The following RAB11FIP3 variants were observed in gnomAD, a reference collection of about 807,000 sequenced individuals.
RAB11FIP3 encodes the protein RAB11 family interacting protein 3.
Under a neutral mutation model 77.8 loss-of-function variants are expected in RAB11FIP3, and 17 were observed. That is an observed-to-expected ratio of 0.22 (90% CI 0.15 to 0.33). The LOEUF is 0.33. Ranked by LOEUF, RAB11FIP3 falls within the 10% of genes least tolerant of loss-of-function variation. RAB11FIP3 has a pLI of 1.00. For missense variants in RAB11FIP3, 1,005 were observed against 1,011.2 expected (o/e 0.99, Z 0.08); for synonymous variants, 437 against 448.2 (o/e 0.98, Z 0.31).
chr16:510,803 A>G lies in RAB11FIP3; in HGVS notation c.1640+3A>G, dbSNP rs1490273158. On this transcript the variant is annotated splice_donor_region_variant and intron_variant, in intron 9 of 13. Coordinates refer to ENST00000262305, the MANE Select transcript of RAB11FIP3 (RefSeq NM_014700.4). The stretch of plus-strand genomic sequence containing the variant: ...GAGATCGAGAACCTGCAGACCAGGT[A>G]GGCGGTTCCCAACAGCCCATCCACC... 1 of 1,612,696 alleles carries G rather than the reference A, an allele frequency of 6.2e-7. No homozygotes were observed. The highest frequency in any genetic ancestry group is 2.2e-5 in the East Asian group (1 of 44,858).
intron 4 of RAB11FIP3, among the ~76,000 whole-genome samples, chr16:485,247 C>T (rs537766064): frequency 8.1e-4 from 124 of 152,164 alleles, no homozygotes; most frequent in Admixed American, 1.8e-3. Context: ...AAACAGGCTG[C>T]GCAGGATTGG....
At position 492,392 on chromosome 16, in the gene RAB11FIP3, C is replaced by CT. The variant is rs553348725; in HGVS notation, c.1265+3393dup. ...GGGAGACCCGAGGCCGCCCAGAGCC[C>CT]TCCCCGGGAGACCCGAGGCCGCCCA... On this transcript the variant is annotated intron_variant, in intron 5 of 13. Coordinates refer to ENST00000262305, the MANE Select transcript of RAB11FIP3 (RefSeq NM_014700.4). 4.0e-3 allele frequency among the ~76,000 whole-genome samples: 533 copies of CT among 131,708 alleles called. 9 individuals carry two copies. Among genetic ancestry groups the CT allele is most frequent in the African/African-American group, 0.011 (331 of 28,866 alleles). The allele number at this position is 131,708 out of a possible 152,430, so 86.4% of individuals were successfully genotyped here. A position where few individuals can be genotyped will look rare whatever the true frequency, so the allele number is the denominator to read the frequency against.
chr16:521,015 A>C lies in RAB11FIP3; in HGVS notation c.*176A>C. 1.6e-6 allele frequency: 1 copy of C among 621,522 alleles called. No homozygotes were observed. Among genetic ancestry groups the C allele is most frequent in the Non-Finnish European group, 2.9e-6 (1 of 347,382 alleles). 38.5% of individuals were successfully genotyped at this position (621,522 alleles called of 1,614,324 possible). ...AAGACCGGGGCTGCCAAAGGGGCAG[A>C]GGGTGGTGGAGAGGAGAGGGAGAAA... On this transcript the variant is annotated 3_prime_UTR_variant, in exon 14 of 14. Coordinates refer to ENST00000262305, the MANE Select transcript of RAB11FIP3 (RefSeq NM_014700.4).
chr16:489,780 G>GGCTGTCCCTTGC (rs57580580), intron 5 of RAB11FIP3, among the ~76,000 whole-genome samples: 84,567 of 151,808 alleles, frequency 0.56, 23,812 homozygotes, highest in Middle Eastern at 0.65. Context: ...GTGCAGGAGG[G>GGCTGTCCCTTGC]GCTGAGCAGC....
chr16:514,816 C>A lies in RAB11FIP3; in HGVS notation c.1640+4016C>A, dbSNP rs999012381. 6.6e-6 allele frequency among the ~76,000 whole-genome samples: 1 copy of A among 152,196 alleles called. No individual in the cohort carries two copies. Among genetic ancestry groups the A allele is most frequent in the African/African-American group, 2.4e-5 (1 of 41,452 alleles). On this transcript the variant is annotated intron_variant, in intron 9 of 13. Transcript: ENST00000262305. The surrounding 1 kb of genome is among the most constrained non-coding windows in gnomAD (Gnocchi z 4.6). ...GTGGCATGTCCACAGAGACCGGGGC[C>A]TGATTTGCAGCTTGTGGCACCTGCC... is the stretch of plus-strand genomic sequence containing the variant.
intron 1 of RAB11FIP3, among the ~76,000 whole-genome samples, chr16:451,017 G>A (rs927794318): frequency 6.6e-6 from 1 of 151,998 alleles, no homozygotes; most frequent in African/African-American, 2.4e-5. Context: ...CATAAATTCT[G>A]TTTTATTTCC....
chr16:426,791 C>A lies in RAB11FIP3; in HGVS notation c.714+71C>A. On this transcript the variant is annotated intron_variant, in intron 1 of 13. Coordinates refer to ENST00000262305, the MANE Select transcript of RAB11FIP3 (RefSeq NM_014700.4). This position sits in a 1 kb window ranked among gnomAD's most constrained non-coding sequence, Gnocchi z 5.0. The stretch of plus-strand genomic sequence containing the variant: ...GCTGGCCGGCGGGGTTGATGTGGGA[C>A]CGGTCGACGCTGCCCCTGGAGTCGG... 7.8e-7 allele frequency: 1 copy of A among 1,273,964 alleles called. No individual in the cohort carries two copies. Among genetic ancestry groups the A allele is most frequent in the Non-Finnish European group, 1.1e-6 (1 of 946,752 alleles). The allele number at this position is 1,273,964 out of a possible 1,614,324, so 78.9% of individuals were successfully genotyped here.
chr16:451,065 G>C (rs1008832043), intron 1 of RAB11FIP3, among the ~76,000 whole-genome samples: 1 of 152,000 alleles, frequency 6.6e-6, no homozygotes, highest in East Asian at 1.9e-4. Flanking sequence ...TATCCACTTG[G>C]CTGTTTTCCA....
At chr16:463,430 GTTT>G (rs142875972) in intron 2 of RAB11FIP3, among the ~76,000 whole-genome samples, 177 of 82,256 alleles carry the variant, frequency 2.2e-3, no homozygotes, top group Non-Finnish European at 2.4e-3. Flanking sequence ...TTGTTCCCCG[GTTT>G]TTTTTTTTTT....
At chr16:493,649 C>T (rs1419301341) in intron 5 of RAB11FIP3, among the ~76,000 whole-genome samples, 2 of 152,156 alleles carry the variant, frequency 1.3e-5, no homozygotes, top group Admixed American at 1.3e-4. Flanking sequence ...CTTTGTGACC[C>T]AGGCCGGAGT....
At position 426,444 on chromosome 16, in the gene RAB11FIP3, G is replaced by A; in HGVS notation, c.438G>A (p.Gln146=). The part of the protein sequence containing the change: ...SCPESAPFRL[Q]GSSSSHRARG... ...CGGAGAGCGCGCCTTTCCGCTTGCA[G>A]GGGTCCAGCAGCAGCCACCGAGCGC... The change falls in exon 1 of 14, where the codon CAG becomes CAA. Residue 146 remains glutamine, a synonymous_variant. Coordinates refer to ENST00000262305, the MANE Select transcript of RAB11FIP3 (RefSeq NM_014700.4). This position sits in a 1 kb window ranked among gnomAD's most constrained non-coding sequence, Gnocchi z 5.0. 6.3e-7 allele frequency: 1 copy of A among 1,585,508 alleles called. No individual in the cohort carries two copies. The highest frequency in any genetic ancestry group is 8.6e-7 in the Non-Finnish European group (1 of 1,167,328).
chr16:428,282 A>T (rs1312753822), intron 1 of RAB11FIP3, among the ~76,000 whole-genome samples: 1 of 152,126 alleles, frequency 6.6e-6, no homozygotes, highest in Non-Finnish European at 1.5e-5. Context: ...TGGGCAGTGA[A>T]ATATGTGACT....
intron 6 of RAB11FIP3, among the ~76,000 whole-genome samples, chr16:500,942 T>C (rs2031476830): frequency 6.6e-6 from 1 of 152,036 alleles, no homozygotes; most frequent in African/African-American, 2.4e-5. Flanking sequence ...TGGCTCATGT[T>C]TGGGGGCAAG....
At chr16:520,334 G>A in intron 12 of RAB11FIP3, 57 bp downstream of exon 12, 2 of 1,562,748 alleles carry the variant, frequency 1.3e-6, no homozygotes, top group African/African-American at 1.3e-5. Context: ...CACAAGACTG[G>A]TTGGGAAGGG....
intron 9 of RAB11FIP3, among the ~76,000 whole-genome samples, 155 bp downstream of exon 9, chr16:510,955 T>G (rs2032120872): frequency 7.1e-6 from 1 of 140,910 alleles, no homozygotes; most frequent in African/African-American, 2.8e-5. Flanking sequence ...TAGGAGAAGT[T>G]CCCCGAAAGT....
chr16:469,508 C>T (rs1165943856), intron 2 of RAB11FIP3, among the ~76,000 whole-genome samples: 4 of 152,178 alleles, frequency 2.6e-5, no homozygotes, highest in African/African-American at 7.2e-5. Context: ...GATTCTTGTG[C>T]CTCAGCCTCC....
intron 1 of RAB11FIP3, among the ~76,000 whole-genome samples, chr16:445,978 T>C (rs922801247): frequency 6.6e-6 from 1 of 152,038 alleles, no homozygotes; most frequent in Non-Finnish European, 1.5e-5. Context: ...TAGGTGGGGC[T>C]GGAAAGTGTT....
In RAB11FIP3 at chr16:521,205, C is replaced by T. The variant is rs1333046295; in HGVS notation, c.*366C>T. 4 of 294,438 alleles carry T rather than the reference C, an allele frequency of 1.4e-5. No homozygotes were observed. Among genetic ancestry groups the T allele is most frequent in the African/African-American group, 2.1e-5 (1 of 47,096 alleles). The allele number at this position is 294,438 out of a possible 1,614,324, so 18.2% of individuals were successfully genotyped here. ...TGGGCTGGAGAGCCTCTCTGTGCAGCGGTGTGGGGTGAGCCCTGCTGTGGC... is the reference window on the plus strand; with the variant it reads ...TGGGCTGGAGAGCCTCTCTGTGCAGTGGTGTGGGGTGAGCCCTGCTGTGGC... On this transcript the variant is annotated 3_prime_UTR_variant, in exon 14 of 14. Coordinates refer to ENST00000262305, the MANE Select transcript of RAB11FIP3 (RefSeq NM_014700.4).
intron 5 of RAB11FIP3, among the ~76,000 whole-genome samples, chr16:489,517 G>A (rs1383438653): frequency 6.6e-6 from 1 of 152,182 alleles, no homozygotes; most frequent in East Asian, 1.9e-4. Flanking sequence ...CGAACATGGG[G>A]GTCTGGGTAC....
Sources: allele counts gnomAD v4.1 joint callset (sites outside exome capture counted in the v4.1 genomes callset), GRCh38; gene constraint gnomAD v4.1.1; non-coding constraint Gnocchi (gnomAD v3.1); transcripts MANE v1.5; gene names NCBI Gene and HGNC (gene_info 2026-07-23, HGNC 2026-07-21).